RASSF2: variants seen among roughly 807,000 people sequenced by gnomAD.
RASSF2 encodes the protein ras association domain-containing protein 2.
Under a neutral mutation model 46.3 loss-of-function variants are expected in RASSF2, and 34 were observed. That is an observed-to-expected ratio of 0.73 (90% confidence interval 0.56 to 0.98). The LOEUF is 0.98. Among genes scored for constraint, RASSF2 ranks in the 50% least tolerant of loss-of-function variants. The probability of loss-of-function intolerance (pLI) is 0.00; values close to 1 mark genes in which losing one functional copy is unlikely to be tolerated. For synonymous variants in RASSF2, 158 were observed against 162.5 expected (o/e 0.97, Z 0.21); for missense variants, 364 against 431.2 (o/e 0.84, Z 1.38).
chr20:4,794,481 C>A (rs111515772), intron 5 of RASSF2, among the ~76,000 whole-genome samples: 2 of 151,804 alleles, frequency 1.3e-5, no homozygotes, highest in Non-Finnish European at 2.9e-5. Flanking sequence ...AGGCACGAAT[C>A]GCTTGAACCC....
chr20:4,808,486 CTTTT>C (rs11431404), intron 2 of RASSF2, among the ~76,000 whole-genome samples: 3 of 131,626 alleles, frequency 2.3e-5, no homozygotes, highest in Admixed American at 7.8e-5. Context: ...TTACACAAAT[CTTTT>C]TTTTTTTTTT....
chr20:4,809,815 C>A (rs1267807915), intron 2 of RASSF2, among the ~76,000 whole-genome samples: 8 of 152,140 alleles, frequency 5.3e-5, no homozygotes, highest in African/African-American at 1.7e-4. Context: ...TGGAGCCCAG[C>A]CACAGCTGAT....
In RASSF2 at chr20:4,782,002, A is replaced by G. The variant is rs1043512401; in HGVS notation, c.*2271T>C. 2.6e-5 allele frequency: 4 copies of G among 152,182 alleles called. No homozygotes were observed. The highest frequency in any genetic ancestry group is 2.0e-4 in the Admixed American group (3 of 15,288). The allele number at this position is 152,182 out of a possible 1,614,324, so 9.4% of individuals were successfully genotyped here. On this transcript the variant is annotated 3_prime_UTR_variant, in exon 12 of 12. Coordinates refer to ENST00000379400, the MANE Select transcript of RASSF2 (RefSeq NM_014737.3). Reference sequence around the variant, plus strand: ...CTCAAGAGGGCAGGACAAAATGGAAAAGTGTGGTCTGCATTACGTGGAAGT... The same window carrying G: ...CTCAAGAGGGCAGGACAAAATGGAAGAGTGTGGTCTGCATTACGTGGAAGT...
rs1421051282 is a variant in RASSF2, at chr20:4,780,547, A to C, written c.*3726T>G. On this transcript the variant is annotated 3_prime_UTR_variant, in exon 12 of 12. Coordinates refer to ENST00000379400, the MANE Select transcript of RASSF2 (RefSeq NM_014737.3). ...AGCAAGACTTTGTGCAAAACGATTT[A>C]AGTGGAAACGTGAAAATGTGTGCTG... is the stretch of plus-strand genomic sequence containing the variant. The C allele has an allele frequency of 2.0e-5, 3 of 152,264 alleles. No individual in the cohort carries two copies. Among genetic ancestry groups the C allele is most frequent in the African/African-American group, 7.2e-5 (3 of 41,470 alleles). 9.4% of individuals were successfully genotyped at this position (152,264 alleles called of 1,614,324 possible).
intron 10 of RASSF2, 31 bp downstream of exon 10, chr20:4,787,602 G>A (rs1925471783): frequency 2.5e-6 from 4 of 1,613,978 alleles, no homozygotes; most frequent in Non-Finnish European, 3.4e-6. Flanking sequence ...ACCCTCCTGA[G>A]GACAGATCGC....
rs1601100488 is a variant in RASSF2 at position 4,796,120 on chromosome 20, A to G, written c.136-154T>C. On this transcript the variant is annotated intron_variant, in intron 4 of 11. Transcript: ENST00000379400. ...GGGGCAGCTGCCCAGTTCACACCGC[A>G]GCTCTGAGATACTTTCTGACGTCAA... Among the ~76,000 whole-genome samples, 5 of 152,194 alleles carry G rather than the reference A, an allele frequency of 3.3e-5. No homozygotes were observed. The South Asian group carries it at 1.0e-3, about 31-fold the overall frequency.
chr20:4,807,218 G>A (rs1457297552), intron 2 of RASSF2, among the ~76,000 whole-genome samples: 6 of 151,688 alleles, frequency 4.0e-5, no homozygotes, highest in African/African-American at 1.2e-4. Context: ...AAGTGAAATC[G>A]CTAGCTTACT....
chr20:4,785,171 AAAAG>A (rs1403941486), intron 11 of RASSF2, among the ~76,000 whole-genome samples: 9 of 151,194 alleles, frequency 6.0e-5, no homozygotes, highest in East Asian at 1.9e-4. Flanking sequence ...AAAAAAAAAA[AAAAG>A]AAAGAAAGAA....
At chr20:4,816,801 T>A (rs1041836805) in intron 2 of RASSF2, among the ~76,000 whole-genome samples, 6 of 152,174 alleles carry the variant, frequency 3.9e-5, no homozygotes, top group African/African-American at 1.4e-4. Flanking sequence ...CATAGTTTGG[T>A]AAGCTGCTTC....
chr20:4,819,694 T>G (rs1215213075), intron 2 of RASSF2, among the ~76,000 whole-genome samples: 1 of 152,198 alleles, frequency 6.6e-6, no homozygotes, highest in Admixed American at 6.5e-5. Flanking sequence ...ATGACATTTA[T>G]AAAAATGAGC....
At chr20:4,792,496 C>A (rs1466906862) in intron 6 of RASSF2, 43 bp downstream of exon 6, 2 of 1,612,960 alleles carry the variant, frequency 1.2e-6, no homozygotes, top group Non-Finnish European at 1.7e-6. Context: ...GCGGTCTTCA[C>A]ACAGTTGGTC....
In RASSF2 at chr20:4,795,455, G is replaced by A. The variant is rs986051182; in HGVS notation, c.287+360C>T. On this transcript the variant is annotated intron_variant, in intron 5 of 11. Coordinates refer to ENST00000379400, the MANE Select transcript of RASSF2 (RefSeq NM_014737.3). This position sits in a 1 kb window ranked among gnomAD's most constrained non-coding sequence, Gnocchi z 4.0. ...AGTGGTCCCAGTGGGGAGGGTGCTGGGGCATGGGGCGCCCTGTTAGAAATA... is the reference window on the plus strand; with the variant it reads ...AGTGGTCCCAGTGGGGAGGGTGCTGAGGCATGGGGCGCCCTGTTAGAAATA... The A allele has an allele frequency of 3.8e-5, 7 of 181,962 alleles. No homozygotes were observed. Among genetic ancestry groups the A allele is most frequent in the Non-Finnish European group, 8.0e-5 (7 of 87,664 alleles). 11.3% of individuals were successfully genotyped at this position (181,962 alleles called of 1,614,324 possible). A position where few individuals can be genotyped will look rare whatever the true frequency, so the allele number is the denominator to read the frequency against.
chr20:4,793,956 C>A (rs1159638424), intron 5 of RASSF2, among the ~76,000 whole-genome samples: 1 of 152,170 alleles, frequency 6.6e-6, no homozygotes, highest in Non-Finnish European at 1.5e-5. Context: ...CCTTTAGCAG[C>A]CCAAACCAAA....
intron 2 of RASSF2, among the ~76,000 whole-genome samples, chr20:4,822,011 C>T (rs1237111368): frequency 6.6e-6 from 1 of 152,232 alleles, no homozygotes; most frequent in African/African-American, 2.4e-5. Flanking sequence ...TGAAAATTAA[C>T]TCTCCTCAAA....
rs7265017 is a variant in RASSF2 at position 4,815,948 on chromosome 20, A to G, written c.-33+6381T>C. 3.6e-3 allele frequency among the ~76,000 whole-genome samples: 552 copies of G among 152,370 alleles called. 2 individuals carry two copies. The highest frequency in any genetic ancestry group is 0.017 in the South Asian group (83 of 4,834). On this transcript the variant is annotated intron_variant, in intron 2 of 11. Transcript: ENST00000379400. ...GGAACCTCCAGGGGCCAAATACCAC[A>G]GCTGTCTCCCGGGGCTTTCCTTTCA...
In RASSF2 at chr20:4,787,651, C is replaced by A. The variant is rs1159612093; in HGVS notation, c.795G>T (p.Val265=). ...SKVFLMEKDQ[V]EEVTYDVAQY... ...AACTCACGTCGTAGGTGACTTCCTC[C>A]ACCTGGTCCTTCTCCATTAGGAACA... Residue 265 remains valine (V), a synonymous_variant, in exon 10 of 12, where the codon GTG becomes GTT. Transcript: ENST00000379400. 2 of 1,614,142 alleles carry A rather than the reference C, an allele frequency of 1.2e-6. No homozygotes were observed. Among genetic ancestry groups the A allele is most frequent in the South Asian group, 2.2e-5 (2 of 91,086 alleles).
chr20:4,800,110 TA>T (rs34035434), intron 3 of RASSF2, among the ~76,000 whole-genome samples: 19,846 of 140,456 alleles, frequency 0.14, 1,670 homozygotes, highest in Non-Finnish European at 0.2. Flanking sequence ...AGAGTCCTTC[TA>T]AAAAAAAAAA....
chr20:4,788,343 T>C, intron 8 of RASSF2, 75 bp from the exon 9 acceptor site: 2 of 1,396,854 alleles, frequency 1.4e-6, no homozygotes, highest in South Asian at 2.3e-5. Context: ...TCCTCTTCTT[T>C]AGCAATGCAA....
intron 7 of RASSF2, 148 bp from the exon 8 acceptor site, chr20:4,789,845 G>A (rs1048636737): frequency 4.6e-6 from 3 of 657,774 alleles, no homozygotes; most frequent in African/African-American, 1.8e-5. Flanking sequence ...AGGCTTTGTA[G>A]ACAAAGCAAC....
Sources: allele counts gnomAD v4.1 joint callset (sites outside exome capture counted in the v4.1 genomes callset), GRCh38; gene constraint gnomAD v4.1.1; non-coding constraint Gnocchi (gnomAD v3.1); transcripts MANE v1.5; gene names NCBI Gene and HGNC (gene_info 2026-07-23, HGNC 2026-07-21).